The following FGF13 variants were observed in gnomAD, a reference collection of about 807,000 sequenced individuals.
FGF13 encodes fibroblast growth factor homologous factor 2.
Under a neutral mutation model 19.5 loss-of-function variants are expected in FGF13, and 2 were observed. That is an observed-to-expected ratio of 0.10 (90% CI 0.04 to 0.32). The LOEUF is 0.32. FGF13 is among the 10% of genes least tolerant of loss of function. The pLI, the probability that FGF13 is intolerant of heterozygous loss-of-function variation, is 1.00. For missense variants in FGF13, 113 were observed against 192.7 expected, an observed-to-expected ratio of 0.59 and a Z score of 2.45; for synonymous variants, 72 against 76.9, an observed-to-expected ratio of 0.94 and a Z score of 0.33.
chrX:139,160,528 G>A (rs2367453), intron 1 of FGF13, among the ~76,000 whole-genome samples: 20,502 of 109,639 alleles, frequency 0.19, 1,821 homozygotes, highest in East Asian at 0.54. Context: ...TGAAAAGACC[G>A]TTAAAAAAAT....
chrX:138,987,738 T>A (rs2091999762), intron 1 of FGF13, among the ~76,000 whole-genome samples: 1 of 112,049 alleles, frequency 8.9e-6, no homozygotes, highest in Non-Finnish European at 1.9e-5. Context: ...GGGATCATGG[T>A]GAAGTTAACA....
rs780853879 is a variant in FGF13 at position 139,053,516 on chromosome X, A to G, written c.-113+149900T>C. Among the ~76,000 whole-genome samples, 3 of 108,828 alleles carry G rather than the reference A, an allele frequency of 2.8e-5. No homozygotes were observed. In the South Asian group the frequency reaches 1.2e-3, roughly 44 times the overall value. 94.5% of individuals were successfully genotyped at this position (108,828 alleles called of 115,157 possible). ...TCCCTGATCATTAGTGATGTTGAGC[A>G]TTTTTTCATGTTTGTTGGACATTTG... is the stretch of plus-strand genomic sequence containing the variant. On this transcript the variant is annotated intron_variant, in intron 1 of 2. Transcript: ENST00000421460.
At position 138,846,454 on chromosome X, in the gene FGF13, A is replaced by C. The variant is rs756815641; in HGVS notation, c.217+11058T>G. Among the ~76,000 whole-genome samples, 8 of 111,712 alleles carry C rather than the reference A, an allele frequency of 7.2e-5. No homozygotes were observed. In the South Asian group the frequency reaches 1.1e-3, roughly 16 times the overall value. ...GCTCATGCACGGAAAGAGAGAGAAG[A>C]AGCAAATAATTTCAATATGGATGTG... On this transcript the variant is annotated intron_variant, in intron 3 of 6. Transcript: ENST00000436198.
intron 3 of FGF13, among the ~76,000 whole-genome samples, chrX:138,685,712 A>G (rs1413234709): frequency 9.0e-6 from 1 of 111,537 alleles, no homozygotes; most frequent in Non-Finnish European, 1.9e-5. Context: ...TGTCTCTATA[A>G]TCCTACTCTT....
intron 3 of FGF13, among the ~76,000 whole-genome samples, chrX:138,693,001 G>A (rs906620416): frequency 2.7e-5 from 3 of 110,946 alleles, no homozygotes; most frequent in Non-Finnish European, 5.7e-5. Flanking sequence ...TTCCCAGAAA[G>A]TACCATTCTC....
intron 1 of FGF13, among the ~76,000 whole-genome samples, chrX:138,986,016 T>C (rs1212792136): frequency 1.8e-5 from 2 of 111,708 alleles, no homozygotes; most frequent in African/African-American, 6.5e-5. Context: ...AATCTGACGG[T>C]TTTACATGCA....
At chrX:139,005,588 A>G (rs1285163223) in intron 1 of FGF13, among the ~76,000 whole-genome samples, 2 of 110,378 alleles carry the variant, frequency 1.8e-5, no homozygotes, top group African/African-American at 6.6e-5. Flanking sequence ...AATGAACTCA[A>G]TAAGGCACCA....
At position 138,639,608 on chromosome X, in the gene FGF13, TAATC is replaced by T. The variant is rs2089225933; in HGVS notation, c.403-3957_403-3954del. On this transcript the variant is annotated intron_variant, in intron 3 of 4. Coordinates refer to ENST00000315930, the MANE Select transcript of FGF13 (RefSeq NM_004114.5). ...AATAACAACTTTTTAGTTAATGAAA[TAATC>T]AATCTGTCTCTAATATCTTTCCTCT... Among the ~76,000 whole-genome samples the T allele has an allele frequency of 3.6e-5, 4 of 112,150 alleles. No individual in the cohort carries two copies. In the South Asian group the frequency reaches 1.1e-3, roughly 31 times the overall value.
At chrX:139,000,393 A>G (rs780402770) in intron 1 of FGF13, among the ~76,000 whole-genome samples, 10 of 111,927 alleles carry the variant, frequency 8.9e-5, no homozygotes, top group South Asian at 3.7e-4. Context: ...AGGAAATCAA[A>G]TTGTTTCTGT....
intron 1 of FGF13, among the ~76,000 whole-genome samples, chrX:139,111,743 C>A (rs2083603850): frequency 9.0e-6 from 1 of 111,651 alleles, no homozygotes; most frequent in South Asian, 3.7e-4. Context: ...ACATAACACC[C>A]AAAATGAACA....
At chrX:138,903,072 G>C (rs2091540278) in intron 1 of FGF13, among the ~76,000 whole-genome samples, 1 of 111,589 alleles carries the variant, frequency 9.0e-6, no homozygotes, top group African/African-American at 3.3e-5. Context: ...ATTCTTCCTT[G>C]CATACAAACT....
At chrX:139,073,515 A>T (rs749265026) in intron 1 of FGF13, among the ~76,000 whole-genome samples, 23 of 111,476 alleles carry the variant, frequency 2.1e-4, no homozygotes, top group Middle Eastern at 4.6e-3. Flanking sequence ...TAAGGTGTTA[A>T]GGTAATTATA....
chrX:138,888,726 C>T (rs2091463038), intron 1 of FGF13, among the ~76,000 whole-genome samples: 1 of 110,578 alleles, frequency 9.0e-6, no homozygotes, highest in African/African-American at 3.3e-5. Flanking sequence ...CACCTGCTAC[C>T]ATAAAAGTCA....
chrX:138,696,628 C>T (rs139717258), intron 3 of FGF13, among the ~76,000 whole-genome samples: 85 of 112,100 alleles, frequency 7.6e-4, no homozygotes, highest in Middle Eastern at 4.6e-3. Context: ...AATATCCTTA[C>T]AGCTAAAAAA....
intron 3 of FGF13, among the ~76,000 whole-genome samples, chrX:138,804,256 G>A (rs948759446): frequency 1.1e-4 from 12 of 112,161 alleles, no homozygotes; most frequent in South Asian, 3.7e-4. Context: ...TCTCAAACCC[G>A]TTTTCCTGAC....
In FGF13 at chrX:138,867,833, C is replaced by CTATCTATCATCT. The variant is rs1556269063; in HGVS notation, c.-112-3184_-112-3183insAGATGATAGATA. Among the ~76,000 whole-genome samples, 411 of 99,267 alleles carry CTATCTATCATCT rather than the reference C, an allele frequency of 4.1e-3. 2 individuals carry two copies. The highest frequency in any genetic ancestry group is 8.0e-3 in the African/African-American group (215 of 26,891). The allele number at this position is 99,267 out of a possible 115,157, so 86.2% of individuals were successfully genotyped here. On this transcript the variant is annotated intron_variant, in intron 1 of 2. Transcript: ENST00000421460. ...TCTATCTATCTATCTATCTATCTAT[C>CTATCTATCATCT]ATCTATCTATCTATCCTCCCTAAGT... is the stretch of plus-strand genomic sequence containing the variant.
chrX:139,191,250 C>A (rs745953779), intron 1 of FGF13, among the ~76,000 whole-genome samples: 1 of 112,250 alleles, frequency 8.9e-6, no homozygotes, highest in Non-Finnish European at 1.9e-5. Context: ...TGCCTCTGCA[C>A]TAAAAATCAA....
chrX:138,961,423 C>G (rs1468044060), intron 1 of FGF13, among the ~76,000 whole-genome samples: 1 of 110,870 alleles, frequency 9.0e-6, no homozygotes, highest in Non-Finnish European at 1.9e-5. Context: ...GGAGGTGTCT[C>G]TCAGTTAGGC....
chrX:138,857,631 TGTC>T, exon 3 of FGF13: 1 of 1,208,709 alleles, frequency 8.3e-7, no homozygotes, highest in Non-Finnish European at 1.1e-6. Flanking sequence ...GATGGAATCT[TGTC>T]GTAACATAAT....
Sources: allele counts gnomAD v4.1 joint callset (sites outside exome capture counted in the v4.1 genomes callset), GRCh38; gene constraint gnomAD v4.1.1; transcripts MANE v1.5; gene names NCBI Gene and HGNC (gene_info 2026-07-23, HGNC 2026-07-21).